Variants in PDZRN3 observed in about 807,000 individuals in gnomAD.
The protein encoded by PDZRN3 is E3 ubiquitin-protein ligase PDZRN3.
In PDZRN3, 38 loss-of-function variants were observed where a neutral mutation model predicts 85.7. The observed-to-expected ratio is 0.44, with a 90% confidence interval of 0.34 to 0.58. The LOEUF is 0.58. PDZRN3 is among the 20% of genes least tolerant of loss of function. The pLI is 0.01. For synonymous variants in PDZRN3, 759 were observed against 638.0 expected (o/e 1.19, Z -2.86); for missense variants, 1,629 against 1,506.4 (o/e 1.08, Z -1.35).
intron 5 of PDZRN3, among the ~76,000 whole-genome samples, chr3:73,395,430 G>A (rs958422857): frequency 6.6e-6 from 1 of 152,212 alleles, no homozygotes; most frequent in Non-Finnish European, 1.5e-5. Flanking sequence ...TACTGGTCTA[G>A]ATGGACTGTT....
Position 73,399,500 on chromosome 3 carries a change from A to G in PDZRN3, c.1254+1422T>C, listed in dbSNP as rs368741804. ...GTTGTCTTCAGTCTGGCATTTCCCA[A>G]ATGTATTTCATTATGAACCCCCTTT... is the stretch of plus-strand genomic sequence containing the variant. On this transcript the variant is annotated intron_variant, in intron 5 of 9. Coordinates refer to ENST00000263666, the MANE Select transcript of PDZRN3 (RefSeq NM_015009.3). Among the ~76,000 whole-genome samples, 16 of 152,328 alleles carry G rather than the reference A, an allele frequency of 1.1e-4. No homozygotes were observed. In the South Asian group the frequency reaches 3.3e-3, roughly 32 times the overall value.
At chr3:73,530,606 T>C (rs926585565) in intron 3 of PDZRN3, among the ~76,000 whole-genome samples, 1 of 152,068 alleles carries the variant, frequency 6.6e-6, no homozygotes, top group Non-Finnish European at 1.5e-5. Context: ...TAGCTGAATA[T>C]AGTCTCTTAA....
At chr3:73,578,064 T>A (rs1248678859) in intron 3 of PDZRN3, among the ~76,000 whole-genome samples, 2 of 152,244 alleles carry the variant, frequency 1.3e-5, no homozygotes, top group East Asian at 3.8e-4. Context: ...TCTCATATCC[T>A]TGAAAATCGT....
chr3:73,400,909 A>C lies in PDZRN3; in HGVS notation c.1254+13T>G. 1 of 1,566,760 alleles carries C rather than the reference A, an allele frequency of 6.4e-7. No individual in the cohort carries two copies. The highest frequency in any genetic ancestry group is 8.8e-7 in the Non-Finnish European group (1 of 1,136,938). ...TAATGACTCCTAAAATGAGACAAGG[A>C]TGTTCTTCATACCTCCAGCTCCAGC... is the stretch of plus-strand genomic sequence containing the variant. On this transcript the variant is annotated intron_variant, in intron 5 of 9. Coordinates refer to ENST00000263666, the MANE Select transcript of PDZRN3 (RefSeq NM_015009.3).
rs146849477 is a variant in PDZRN3, at chr3:73,530,623, A to T, written c.918+71731T>A. Among the ~76,000 whole-genome samples the T allele has an allele frequency of 1.1e-4, 16 of 148,780 alleles. 1 individual carries two copies. In the East Asian group the frequency reaches 2.9e-3, roughly 27 times the overall value. On this transcript the variant is annotated intron_variant, in intron 3 of 9. Coordinates refer to ENST00000263666, the MANE Select transcript of PDZRN3 (RefSeq NM_015009.3). ...GCTGAATATAGTCTCTTAAATTGTG[A>T]TGAGAACAATGCAGATCAAATGTTT... is the stretch of plus-strand genomic sequence containing the variant.
intron 3 of PDZRN3, among the ~76,000 whole-genome samples, chr3:73,406,532 T>A (rs1414597842): frequency 6.6e-6 from 1 of 152,154 alleles, no homozygotes; most frequent in Non-Finnish European, 1.5e-5. Context: ...ATAGCACCCT[T>A]AGGAGGTGTG....
chr3:73,464,578 T>A (rs974373002), intron 3 of PDZRN3, among the ~76,000 whole-genome samples: 1 of 152,194 alleles, frequency 6.6e-6, no homozygotes, highest in Non-Finnish European at 1.5e-5. Flanking sequence ...AGTTTCTGTA[T>A]CTTGTTTATT....
At chr3:73,540,421 T>A (rs1235229704) in intron 3 of PDZRN3, among the ~76,000 whole-genome samples, 2 of 152,192 alleles carry the variant, frequency 1.3e-5, no homozygotes, top group African/African-American at 2.4e-5. Flanking sequence ...TAGTATTTTA[T>A]AAAATGACTG....
chr3:73,384,939 A>G lies in PDZRN3; in HGVS notation c.1636-9T>C. ...TCTTCGTCGTGCTTCTTCTGCATAA[A>G]CACAAGAACAAAGGGTCACAGTGAG... On this transcript the variant is annotated splice_polypyrimidine_tract_variant and intron_variant, in intron 9 of 9. Transcript: ENST00000263666. The G allele has an allele frequency of 6.3e-7, 1 of 1,581,476 alleles. No individual in the cohort carries two copies. The highest frequency in any genetic ancestry group is 8.6e-7 in the Non-Finnish European group (1 of 1,163,424).
intron 3 of PDZRN3, among the ~76,000 whole-genome samples, chr3:73,504,786 C>T (rs1414699162): frequency 2.0e-5 from 3 of 152,166 alleles, no homozygotes; most frequent in Non-Finnish European, 4.4e-5. Flanking sequence ...AAGTCACTAG[C>T]TTGTATATAT....
intron 3 of PDZRN3, among the ~76,000 whole-genome samples, chr3:73,432,691 T>C (rs1702456324): frequency 6.6e-6 from 1 of 152,198 alleles, no homozygotes; most frequent in African/African-American, 2.4e-5. Context: ...TCTGGCTCTT[T>C]AAAAAATATA....
intron 3 of PDZRN3, among the ~76,000 whole-genome samples, chr3:73,553,196 C>A (rs1004836702): frequency 6.6e-6 from 1 of 152,132 alleles, no homozygotes; most frequent in Admixed American, 6.5e-5. Flanking sequence ...GGTCATGCAC[C>A]AAGTTCAGAA....
chr3:73,546,234 C>A (rs767401311), intron 3 of PDZRN3, among the ~76,000 whole-genome samples: 6 of 152,178 alleles, frequency 3.9e-5, no homozygotes, highest in Non-Finnish European at 7.3e-5. Flanking sequence ...CCACAGGCGA[C>A]CCAGTGAGGG....
intron 3 of PDZRN3, among the ~76,000 whole-genome samples, chr3:73,577,615 T>C (rs1270718227): frequency 1.3e-5 from 2 of 152,120 alleles, no homozygotes; most frequent in Non-Finnish European, 2.9e-5. Flanking sequence ...AAATGCGCCC[T>C]AGATTTGTGC....
chr3:73,620,999 C>T (rs1465126910), intron 1 of PDZRN3, among the ~76,000 whole-genome samples: 1 of 152,228 alleles, frequency 6.6e-6, no homozygotes. Context: ...TCTACCTGAG[C>T]GTAAGCTCTT....
chr3:73,519,544 A>T (rs7630366), intron 3 of PDZRN3, among the ~76,000 whole-genome samples: 147,407 of 152,310 alleles, frequency 0.97, 71,516 homozygotes, highest in East Asian at 1. Flanking sequence ...ATATTAATTT[A>T]AAAAGAGTAA....
chr3:73,488,810 T>C (rs73096500), intron 3 of PDZRN3, among the ~76,000 whole-genome samples: 12,985 of 152,274 alleles, frequency 0.085, 645 homozygotes, highest in South Asian at 0.23. Flanking sequence ...TAAGTGAAAT[T>C]TGATGGGATC....
chr3:73,446,777 T>C (rs1046401840), intron 3 of PDZRN3, among the ~76,000 whole-genome samples: 2 of 152,062 alleles, frequency 1.3e-5, no homozygotes, highest in Non-Finnish European at 2.9e-5. Context: ...GAATGGCGAA[T>C]TGAGGACCTT....
intron 3 of PDZRN3, among the ~76,000 whole-genome samples, chr3:73,505,896 T>C (rs1157702416): frequency 6.6e-6 from 1 of 152,094 alleles, no homozygotes; most frequent in African/African-American, 2.4e-5. Context: ...CCCTCTGTAA[T>C]AAGCACAGAG....
Sources: gnomAD v4.1 joint callset for allele counts (sites outside exome capture counted in the v4.1 genomes callset) on GRCh38, gnomAD v4.1.1 for gene constraint, MANE v1.5 for transcripts, NCBI Gene and HGNC (gene_info 2026-07-23, HGNC 2026-07-21) for gene names.